Variants in TNFRSF19 observed in about 807,000 individuals in gnomAD.
TNFRSF19 encodes tumor necrosis factor receptor superfamily member 19.
Under a neutral mutation model 46.4 loss-of-function variants are expected in TNFRSF19, and 27 were observed. The observed-to-expected ratio is 0.58, with a 90% CI of 0.43 to 0.80. The LOEUF is 0.80. TNFRSF19 is among the 30% of genes least tolerant of loss of function. The pLI is 0.00. For synonymous variants in TNFRSF19, 204 were observed against 205.0 expected, an observed-to-expected ratio of 1.00 and a Z score of 0.04; for missense variants, 511 against 530.8, an observed-to-expected ratio of 0.96 and a Z score of 0.37.
chr13:23,588,663 C>G (rs1157737719), intron 1 of TNFRSF19, among the ~76,000 whole-genome samples: 1 of 152,064 alleles, frequency 6.6e-6, no homozygotes, highest in African/African-American at 2.4e-5. Context: ...AAGATCGTAT[C>G]ATGAAAGAAA....
intron 1 of TNFRSF19, among the ~76,000 whole-genome samples, chr13:23,576,621 C>T (rs1272628780): frequency 1.3e-5 from 2 of 152,056 alleles, no homozygotes; most frequent in Non-Finnish European, 2.9e-5. Flanking sequence ...TGCTCAAGTC[C>T]CTTACAAAAA....
intron 5 of TNFRSF19, among the ~76,000 whole-genome samples, chr13:23,631,884 C>G (rs139744419): frequency 1.3e-5 from 2 of 152,282 alleles, no homozygotes; most frequent in Admixed American, 6.5e-5. Flanking sequence ...CCTCTTCTTC[C>G]TGGGCACTGA....
chr13:23,606,426 A>G (rs1345477529), intron 3 of TNFRSF19, among the ~76,000 whole-genome samples: 1 of 152,196 alleles, frequency 6.6e-6, no homozygotes, highest in Non-Finnish European at 1.5e-5. Context: ...CCAGTGAAAA[A>G]TGAGATTCTT....
At position 23,608,736 on chromosome 13, in the gene TNFRSF19, G is replaced by A. The variant is rs935153337; in HGVS notation, c.181-7131G>A. Among the ~76,000 whole-genome samples, 11 of 152,330 alleles carry A rather than the reference G, an allele frequency of 7.2e-5. No individual in the cohort carries two copies. The East Asian group carries it at 1.5e-3, about 21-fold the overall frequency. On this transcript the variant is annotated intron_variant, in intron 3 of 9. Coordinates refer to ENST00000248484, the MANE Select transcript of TNFRSF19 (RefSeq NM_148957.4). ...AATTAAATGAGGCCACATGGGGTCTGGCTATTGTATTGGACAGTACAGCTC... is the reference window on the plus strand; with the variant it reads ...AATTAAATGAGGCCACATGGGGTCTAGCTATTGTATTGGACAGTACAGCTC...
intron 5 of TNFRSF19, among the ~76,000 whole-genome samples, chr13:23,658,809 T>G (rs1285199017): frequency 6.6e-6 from 1 of 152,240 alleles, no homozygotes; most frequent in African/African-American, 2.4e-5. Flanking sequence ...TTGAGGATTG[T>G]GTGTCCGTAG....
rs920871533 is a variant in TNFRSF19 at position 23,615,896 on chromosome 13, A to G, written c.210A>G (p.Ala70=). The part of the protein sequence containing the change: ...KECGFGYGED[A]QCVTCRLHRF... ...GTGGCTTCGGCTATGGGGAGGATGC[A>G]CAGTGTGTGACGTGCCGGCTGCACA... The change falls in exon 4 of 10, where the codon GCA becomes GCG. Residue 70 remains alanine (A), a synonymous_variant. Coordinates refer to ENST00000248484, the MANE Select transcript of TNFRSF19 (RefSeq NM_148957.4). 1.9e-6 allele frequency: 3 copies of G among 1,612,072 alleles called. No individual in the cohort carries two copies. Among genetic ancestry groups the G allele is most frequent in the Non-Finnish European group, 2.5e-6 (3 of 1,178,846 alleles).
intron 5 of TNFRSF19, among the ~76,000 whole-genome samples, chr13:23,656,209 A>G (rs1883976063): frequency 6.6e-6 from 1 of 152,202 alleles, no homozygotes; most frequent in African/African-American, 2.4e-5. Flanking sequence ...TATTGGATGT[A>G]CTTTTCCTTT....
chr13:23,583,166 G>T (rs1878576010), intron 1 of TNFRSF19, among the ~76,000 whole-genome samples: 1 of 152,204 alleles, frequency 6.6e-6, no homozygotes, highest in Non-Finnish European at 1.5e-5. Context: ...TTCATTTCTA[G>T]TAACAGTGTA....
intron 5 of TNFRSF19, among the ~76,000 whole-genome samples, chr13:23,643,046 T>G (rs1211586596): frequency 6.6e-6 from 1 of 152,250 alleles, no homozygotes; most frequent in Non-Finnish European, 1.5e-5. Context: ...TCTTTGTAAT[T>G]AATTGTTGAT....
intron 4 of TNFRSF19, among the ~76,000 whole-genome samples, chr13:23,626,185 A>ATGTGTGTGTGTGTGTGTGTGTG (rs1306222494): frequency 1.3e-5 from 1 of 75,906 alleles, no homozygotes; most frequent in Admixed American, 1.6e-4. Flanking sequence ...TTTCTTTAAA[A>ATGTGTGTGTGTGTGTGTGTGTG]TCTGTGTGTG....
intron 5 of TNFRSF19, among the ~76,000 whole-genome samples, chr13:23,657,365 G>C (rs1055756141): frequency 1.3e-5 from 2 of 152,114 alleles, no homozygotes; most frequent in Non-Finnish European, 2.9e-5. Context: ...CAGGGAGAAG[G>C]AGAAAGGCAC....
intron 5 of TNFRSF19, among the ~76,000 whole-genome samples, chr13:23,647,956 T>C (rs183070957): frequency 8.5e-5 from 13 of 152,318 alleles, no homozygotes; most frequent in African/African-American, 3.1e-4. Context: ...GTCATTATTC[T>C]AGTACCACAC....
intron 2 of TNFRSF19, among the ~76,000 whole-genome samples, chr13:23,591,712 T>TTTTC (rs199602587): frequency 1.4e-5 from 2 of 138,878 alleles, no homozygotes; most frequent in East Asian, 2.1e-4. Flanking sequence ...GCCTTAAAAA[T>TTTTC]TTTCTTTCTT....
At chr13:23,668,607 A>G in intron 8 of TNFRSF19, 85 bp from the exon 9 acceptor site, 1 of 1,470,320 alleles carries the variant, frequency 6.8e-7, no homozygotes, top group Non-Finnish European at 9.2e-7. Flanking sequence ...CATTTAGAAG[A>G]CCTAAAATTA....
At chr13:23,662,788 G>A (rs1292780185) in intron 7 of TNFRSF19, among the ~76,000 whole-genome samples, 6 of 152,130 alleles carry the variant, frequency 3.9e-5, no homozygotes, top group Admixed American at 2.6e-4. Context: ...ATTGTGAATG[G>A]GATTGTCTTG....
intron 8 of TNFRSF19, 127 bp downstream of exon 8, chr13:23,668,209 T>C: frequency 2.2e-6 from 2 of 911,844 alleles, no homozygotes; most frequent in South Asian, 1.8e-5. Context: ...TTCTGGATAT[T>C]GGTGGGGTGC....
At chr13:23,650,056 G>T (rs1883543836) in intron 5 of TNFRSF19, among the ~76,000 whole-genome samples, 1 of 152,202 alleles carries the variant, frequency 6.6e-6, no homozygotes, top group Admixed American at 6.5e-5. Context: ...TCTTAGAATA[G>T]AATCCAGACT....
intron 1 of TNFRSF19, among the ~76,000 whole-genome samples, 154 bp downstream of exon 1, chr13:23,571,002 ATGTG>A (rs1877603366): frequency 6.6e-6 from 1 of 152,228 alleles, no homozygotes; most frequent in Non-Finnish European, 1.5e-5. Flanking sequence ...ATGATGCTGA[ATGTG>A]TGTATCAGAG....
chr13:23,667,988 C>G lies in TNFRSF19; in HGVS notation c.745C>G (p.Arg249Gly). 1.2e-6 allele frequency: 2 copies of G among 1,605,640 alleles called. No individual in the cohort carries two copies. Among genetic ancestry groups the G allele is most frequent in the Non-Finnish European group, 1.7e-6 (2 of 1,176,172 alleles). The change falls in exon 8 of 10, where the codon CGC (arginine) becomes GGC (glycine). Residue 249 changes from arginine (R) to glycine (G), a missense_variant. Arg to Gly is a moderately radical substitution (Grantham distance 125, BLOSUM62 -2). Coordinates refer to ENST00000248484, the MANE Select transcript of TNFRSF19 (RefSeq NM_148957.4). ...RDSVQTCGPV[R>G]LLPSMCCEEA... ...TGTGCTGTCTTCCCTAGGGCCGGTG[C>G]GCTTGCTCCCATCCATGTGCTGTGA...
Sources: allele counts gnomAD v4.1 joint callset (sites outside exome capture counted in the v4.1 genomes callset), GRCh38; gene constraint gnomAD v4.1.1; transcripts MANE v1.5; gene names NCBI Gene and HGNC (gene_info 2026-07-23, HGNC 2026-07-21).